NPFFR2: variants seen among roughly 807,000 people sequenced by gnomAD.
NPFFR2 encodes the protein G-protein coupled receptor 74.
In NPFFR2, 15 loss-of-function variants were observed where a neutral mutation model predicts 13.1. The ratio of observed to expected loss-of-function variants is 1.15; its 90% CI spans 0.77 to 1.76. The LOEUF (loss-of-function observed/expected upper bound fraction) is 1.76, where lower values mean the gene tolerates loss of function less well. Among genes scored for constraint, NPFFR2 ranks in the 40% most tolerant of loss-of-function variants. The pLI, the probability that NPFFR2 is intolerant of heterozygous loss-of-function variation, is 0.00. For missense variants in NPFFR2, 572 were observed against 503.5 expected (o/e 1.14, Z -1.30); for synonymous variants, 190 against 175.7 (o/e 1.08, Z -0.65).
At chr4:72,127,652 C>T (rs777967780) in intron 1 of NPFFR2, among the ~76,000 whole-genome samples, 10 of 150,482 alleles carry the variant, frequency 6.6e-5, no homozygotes, top group Non-Finnish European at 1.2e-4. Context: ...CGTGAGCCAC[C>T]GCGCCCGGCC....
rs369223501 is a variant in NPFFR2 at position 72,092,903 on chromosome 4, T to C, written c.-7-35682T>C. ...TGCCATTTGTTGCTTGAATACCTTC[T>C]TTTCATCATATTGTTTTACAGTTCC... is the stretch of plus-strand genomic sequence containing the variant. On this transcript the variant is annotated intron_variant, in intron 1 of 3. Transcript: ENST00000308744. Among the ~76,000 whole-genome samples the C allele has an allele frequency of 4.6e-5, 7 of 152,218 alleles. No individual in the cohort carries two copies. In the East Asian group the frequency reaches 1.3e-3, roughly 29 times the overall value.
In NPFFR2 at chr4:72,032,479, C is replaced by A. The variant is rs139980746; in HGVS notation, c.-8+279C>A. On this transcript the variant is annotated intron_variant, in intron 1 of 3. Transcript: ENST00000308744. ...GGGGCGCTTTCTTCACCTTAAAGTT[C>A]CCCCCAAGCCCTCTCCGGGGCTGTA... Among the ~76,000 whole-genome samples the A allele has an allele frequency of 2.0e-5, 3 of 152,274 alleles. No homozygotes were observed. The East Asian group carries it at 5.8e-4, about 29-fold the overall frequency.
intron 1 of NPFFR2, among the ~76,000 whole-genome samples, chr4:72,078,673 A>G (rs575379612): frequency 6.6e-6 from 1 of 152,286 alleles, no homozygotes; most frequent in Non-Finnish European, 1.5e-5. Flanking sequence ...ATATGGCTAC[A>G]TTGATAAAAA....
At chr4:72,074,009 GGTTT>G (rs1560402728) in intron 1 of NPFFR2, among the ~76,000 whole-genome samples, 1 of 7,984 alleles carries the variant, frequency 1.3e-4, no homozygotes, top group African/African-American at 3.3e-4. Context: ...ACTTTCCATG[GGTTT>G]CACTTTCCAG....
chr4:72,078,127 T>C (rs1289591605), intron 1 of NPFFR2, among the ~76,000 whole-genome samples: 1 of 152,128 alleles, frequency 6.6e-6, no homozygotes, highest in East Asian at 1.9e-4. Flanking sequence ...ATGCCATGGG[T>C]AATCAGCCAT....
Position 72,087,106 on chromosome 4 carries a change from G to A in NPFFR2, c.-7-41479G>A, listed in dbSNP as rs189626502. On this transcript the variant is annotated intron_variant, in intron 1 of 3. Transcript: ENST00000308744. ...CTTGGGTTGAAAGAGACCATTTTGC[G>A]CTAAGCTTATATTGATGATGTACGT... Among the ~76,000 whole-genome samples the A allele has an allele frequency of 5.9e-5, 9 of 152,104 alleles. No individual in the cohort carries two copies. In the East Asian group the frequency reaches 1.4e-3, roughly 23 times the overall value.
chr4:72,071,054 A>T (rs1345561690), intron 1 of NPFFR2, among the ~76,000 whole-genome samples: 2 of 152,292 alleles, frequency 1.3e-5, no homozygotes, highest in East Asian at 1.9e-4. Context: ...AATTATCAAA[A>T]GCAAATAATG....
chr4:72,051,381 C>T (rs1719574719), intron 1 of NPFFR2, among the ~76,000 whole-genome samples: 1 of 152,070 alleles, frequency 6.6e-6, no homozygotes, highest in African/African-American at 2.4e-5. Flanking sequence ...GAACGACCTG[C>T]TCCTGAATGA....
intron 1 of NPFFR2, among the ~76,000 whole-genome samples, chr4:72,083,713 A>G (rs1456026368): frequency 6.6e-6 from 1 of 152,088 alleles, no homozygotes. Context: ...ACAGTTTAAA[A>G]TACCATCAAT....
intron 1 of NPFFR2, among the ~76,000 whole-genome samples, chr4:72,053,080 TG>T (rs1437785814): frequency 6.6e-6 from 1 of 151,836 alleles, no homozygotes; most frequent in Non-Finnish European, 1.5e-5. Flanking sequence ...TCGACCACCT[TG>T]GGCACATGTT....
intron 1 of NPFFR2, among the ~76,000 whole-genome samples, chr4:72,034,500 C>T (rs1718996454): frequency 6.6e-6 from 1 of 152,156 alleles, no homozygotes. Context: ...ATTCAATTAC[C>T]TCCCACCAAG....
At position 72,147,274 on chromosome 4, in the gene NPFFR2, T is replaced by C. The variant is rs770789763; in HGVS notation, c.725T>C (p.Ile242Thr). The change falls in exon 4 of 4, where the codon ATT (isoleucine) becomes ACT (threonine). Residue 242 changes from isoleucine to threonine, a missense_variant. Ile to Thr is a moderately conservative substitution (Grantham distance 89). Coordinates refer to ENST00000308744, the MANE Select transcript of NPFFR2 (RefSeq NM_004885.3). ...LSLIVIMYGR[I>T]GISLFRAAVP... ...CTCATTGTCATCATGTATGGAAGGA[T>C]TGGAATTTCACTCTTCAGGGCTGCA... The C allele has an allele frequency of 2.5e-6, 4 of 1,613,974 alleles. No homozygotes were observed. The highest frequency in any genetic ancestry group is 3.4e-6 in the Non-Finnish European group (4 of 1,180,018).
chr4:72,033,980 T>C (rs1295895489), intron 1 of NPFFR2, among the ~76,000 whole-genome samples: 3 of 152,330 alleles, frequency 2.0e-5, no homozygotes, highest in Admixed American at 6.5e-5. Context: ...GTGATAAATA[T>C]TTATAAACCT....
chr4:72,090,541 C>A (rs2093324833), intron 1 of NPFFR2, among the ~76,000 whole-genome samples: 1 of 151,998 alleles, frequency 6.6e-6, no homozygotes. Flanking sequence ...TCTCTCACCC[C>A]TCTGGTTATG....
At chr4:72,123,247 A>G (rs1721942002) in intron 1 of NPFFR2, among the ~76,000 whole-genome samples, 1 of 152,210 alleles carries the variant, frequency 6.6e-6, no homozygotes, top group South Asian at 2.1e-4. Context: ...GACCAATAAC[A>G]AGTTCTGAAA....
At chr4:72,125,780 C>T (rs890583848) in intron 1 of NPFFR2, among the ~76,000 whole-genome samples, 2 of 152,248 alleles carry the variant, frequency 1.3e-5, no homozygotes, top group East Asian at 1.9e-4. Flanking sequence ...AGGACTCTCA[C>T]GATTACATTA....
intron 1 of NPFFR2, among the ~76,000 whole-genome samples, chr4:72,051,466 A>G (rs2109765449): frequency 6.6e-6 from 1 of 151,538 alleles, no homozygotes; most frequent in South Asian, 2.1e-4. Context: ...GACACAACAT[A>G]CCAGAATCTC....
At chr4:72,040,904 C>G (rs1719194940) in intron 1 of NPFFR2, among the ~76,000 whole-genome samples, 1 of 144,600 alleles carries the variant, frequency 6.9e-6, no homozygotes, top group Admixed American at 7.2e-5. Context: ...TTTATATATG[C>G]TACATTTTAG....
At chr4:72,140,832 G>A (rs1722586104) in intron 3 of NPFFR2, among the ~76,000 whole-genome samples, 1 of 152,074 alleles carries the variant, frequency 6.6e-6, no homozygotes, top group Non-Finnish European at 1.5e-5. Flanking sequence ...GTTTCAGAAG[G>A]TATAGTACCA....
Sources: allele counts gnomAD v4.1 joint callset (sites outside exome capture counted in the v4.1 genomes callset), GRCh38; gene constraint gnomAD v4.1.1; transcripts MANE v1.5; gene names NCBI Gene and HGNC (gene_info 2026-07-23, HGNC 2026-07-21).